Variants in DACH2 observed in about 807,000 individuals in gnomAD.
The protein encoded by DACH2 is dachshund homolog 2.
In DACH2, 17 loss-of-function variants were observed where a neutral mutation model predicts 35.8. That is an observed-to-expected ratio of 0.48 (90% CI 0.33 to 0.71). The LOEUF (loss-of-function observed/expected upper bound fraction) is 0.71, where lower values mean the gene tolerates loss of function less well. DACH2 is among the 30% of genes least tolerant of loss of function. DACH2 has a pLI of 0.02. For missense variants in DACH2, 469 were observed against 472.7 expected, an observed-to-expected ratio of 0.99 and a Z score of 0.07; for synonymous variants, 195 against 177.3, an observed-to-expected ratio of 1.10 and a Z score of -0.79.
At chrX:86,456,010 G>A (rs1280276675) in intron 2 of DACH2, among the ~76,000 whole-genome samples, 1 of 112,311 alleles carries the variant, frequency 8.9e-6, no homozygotes, top group Non-Finnish European at 1.9e-5. Context: ...AGGTTGCAAA[G>A]ATCCTTGGGA....
At chrX:86,554,612 G>A (rs1044086807) in intron 3 of DACH2, among the ~76,000 whole-genome samples, 1 of 111,741 alleles carries the variant, frequency 8.9e-6, no homozygotes, top group South Asian at 3.7e-4. Flanking sequence ...GTACCAAAAT[G>A]TTTCTTATCT....
chrX:86,388,008 T>C (rs1218235048), intron 2 of DACH2, among the ~76,000 whole-genome samples: 1 of 112,442 alleles, frequency 8.9e-6, no homozygotes, highest in Non-Finnish European at 1.9e-5. Context: ...GCATTCTGAT[T>C]AGTTTTCATT....
rs185842071 is a variant in DACH2 at position 86,757,070 on chromosome X, C to A, written c.1240+17188C>A. Among the ~76,000 whole-genome samples the A allele has an allele frequency of 5.1e-3, 567 of 111,600 alleles. 1 individual carries two copies. Among genetic ancestry groups the A allele is most frequent in the African/African-American group, 0.018 (546 of 30,725 alleles). Reference sequence around the variant, plus strand: ...CTATCGTTACATACCTGCAATAAATCTGACTTGATCATGTATTTTTTGATT... The same window carrying A: ...CTATCGTTACATACCTGCAATAAATATGACTTGATCATGTATTTTTTGATT... On this transcript the variant is annotated intron_variant, in intron 7 of 11. Transcript: ENST00000373125.
rs902894733 is a variant in DACH2, at chrX:86,422,659, C to G, written c.527+45797C>G. Among the ~76,000 whole-genome samples the G allele has an allele frequency of 2.7e-5, 3 of 111,154 alleles. No homozygotes were observed. The Admixed American group carries it at 2.9e-4, about 11-fold the overall frequency. The stretch of plus-strand genomic sequence containing the variant: ...GTTATCTATTCTCTCAAGCATTTAC[C>G]ATTTGAGTTACAATCCAATTACACT... On this transcript the variant is annotated intron_variant, in intron 2 of 11. Transcript: ENST00000373125.
chrX:86,697,801 A>G (rs1490895934), intron 5 of DACH2, among the ~76,000 whole-genome samples: 1 of 111,754 alleles, frequency 8.9e-6, no homozygotes, highest in Non-Finnish European at 1.9e-5. Flanking sequence ...AAGATGTTTC[A>G]ACACATACTT....
intron 1 of DACH2, among the ~76,000 whole-genome samples, chrX:86,247,772 C>T (rs750522791): frequency 1.8e-5 from 2 of 111,129 alleles, no homozygotes; most frequent in East Asian, 2.8e-4. Context: ...CCCTGATTAA[C>T]GTAGATGGAA....
chrX:86,503,759 C>T (rs963810316), intron 2 of DACH2, among the ~76,000 whole-genome samples: 7 of 111,697 alleles, frequency 6.3e-5, no homozygotes, highest in African/African-American at 1.9e-4. Context: ...GGAAATATCA[C>T]GCTTTTAGGA....
intron 1 of DACH2, among the ~76,000 whole-genome samples, chrX:86,206,268 T>A (rs112579789): frequency 0.036 from 3,749 of 103,383 alleles, 174 homozygotes; most frequent in African/African-American, 0.15. Flanking sequence ...CACTGGGGCA[T>A]AGTCCAAAAG....
intron 3 of DACH2, among the ~76,000 whole-genome samples, chrX:86,589,246 T>G (rs1174850427): frequency 9.0e-6 from 1 of 111,558 alleles, no homozygotes; most frequent in African/African-American, 3.2e-5. Context: ...GTTTTTTGAA[T>G]ACAACTCTGT....
chrX:86,246,324 G>A (rs2033282750), intron 1 of DACH2, among the ~76,000 whole-genome samples: 2 of 111,061 alleles, frequency 1.8e-5, no homozygotes, highest in Admixed American at 9.6e-5. Flanking sequence ...GAACCCATGT[G>A]AAATACTATA....
In DACH2 at chrX:86,631,149, A is replaced by G. The variant is rs141558917; in HGVS notation, c.641-19887A>G. Among the ~76,000 whole-genome samples the G allele has an allele frequency of 2.0e-3, 229 of 111,972 alleles. 6 individuals carry two copies. In the East Asian group the frequency reaches 0.055, roughly 27 times the overall value. On this transcript the variant is annotated intron_variant, in intron 3 of 11. Transcript: ENST00000373125. ...CTAAATTTTAATCTTTTGTCTATCC[A>G]TGAATGGTGATACTTAAGAACCACC...
intron 3 of DACH2, among the ~76,000 whole-genome samples, chrX:86,547,437 G>T (rs1175302596): frequency 2.7e-5 from 3 of 109,122 alleles, no homozygotes; most frequent in African/African-American, 1.0e-4. Flanking sequence ...AGATCATTTC[G>T]ACTTTGTCAT....
intron 1 of DACH2, among the ~76,000 whole-genome samples, chrX:86,207,757 T>C (rs996696820): frequency 9.0e-6 from 1 of 110,894 alleles, no homozygotes. Context: ...GTAATGGGTG[T>C]TGGCGCTAAA....
In DACH2 at chrX:86,497,604, A is replaced by G. The variant is rs1344216793; in HGVS notation, c.528-16675A>G. Among the ~76,000 whole-genome samples the G allele has an allele frequency of 2.7e-5, 3 of 110,901 alleles. No homozygotes were observed. In the Admixed American group the frequency reaches 2.9e-4, roughly 11 times the overall value. ...TGGTGAGAATTTCCAAGGGATAGGG[A>G]TGGTTAAAAAGGTCTTAAGATGGTG... On this transcript the variant is annotated intron_variant, in intron 2 of 11. Transcript: ENST00000373125.
chrX:86,475,191 A>T (rs2037823310), intron 2 of DACH2, among the ~76,000 whole-genome samples: 1 of 111,344 alleles, frequency 9.0e-6, no homozygotes, highest in South Asian at 3.7e-4. Flanking sequence ...AAGTTTTAGA[A>T]TTATTTATTC....
rs373658986 is a variant in DACH2 at position 86,719,978 on chromosome X, G to A, written c.1104+5258G>A. ...TTTTTAGATGGAGTCTCTCTCTGTCGCCCAGCCTAGAGTGCAGTGGTGCTA... is the reference window on the plus strand; with the variant it reads ...TTTTTAGATGGAGTCTCTCTCTGTCACCCAGCCTAGAGTGCAGTGGTGCTA... On this transcript the variant is annotated intron_variant, in intron 6 of 11. Coordinates refer to ENST00000373125, the MANE Select transcript of DACH2 (RefSeq NM_053281.3). 2.4e-3 allele frequency among the ~76,000 whole-genome samples: 209 copies of A among 85,800 alleles called. 1 individual carries two copies. Among genetic ancestry groups the A allele is most frequent in the African/African-American group, 7.5e-3 (159 of 21,266 alleles). The allele number at this position is 85,800 out of a possible 115,157, so 74.5% of individuals were successfully genotyped here. A position where few individuals can be genotyped will look rare whatever the true frequency, so the allele number is the denominator to read the frequency against.
At chrX:86,557,407 A>T (rs1455170508) in intron 3 of DACH2, among the ~76,000 whole-genome samples, 2 of 108,245 alleles carry the variant, frequency 1.8e-5, no homozygotes, top group Non-Finnish European at 3.8e-5. Context: ...TTGGCTTAGG[A>T]TTGACTTGGC....
intron 1 of DACH2, among the ~76,000 whole-genome samples, chrX:86,194,518 C>T (rs1332039102): frequency 1.8e-5 from 2 of 111,826 alleles, no homozygotes; most frequent in Non-Finnish European, 3.8e-5. Context: ...AAACCCTGCA[C>T]CAGGCTACTG....
At chrX:86,591,964 G>T (rs903287594) in intron 3 of DACH2, among the ~76,000 whole-genome samples, 5 of 111,614 alleles carry the variant, frequency 4.5e-5, no homozygotes, top group South Asian at 3.7e-4. Flanking sequence ...CCTGTGGCTT[G>T]TCTTTCCATT....
Sources: allele counts gnomAD v4.1 joint callset (sites outside exome capture counted in the v4.1 genomes callset), GRCh38; gene constraint gnomAD v4.1.1; transcripts MANE v1.5; gene names NCBI Gene and HGNC (gene_info 2026-07-23, HGNC 2026-07-21).